Variants in ZBTB7C observed in about 807,000 individuals in gnomAD.
ZBTB7C encodes zinc finger and BTB domain-containing protein 7C.
Under a neutral mutation model 25.7 loss-of-function variants are expected in ZBTB7C, and 8 were observed. That is an observed-to-expected ratio of 0.31 (90% CI 0.18 to 0.56). ZBTB7C has a LOEUF of 0.56. Among genes scored for constraint, ZBTB7C ranks in the 20% least tolerant of loss-of-function variants. The pLI is 0.91. For synonymous variants in ZBTB7C, 394 were observed against 369.0 expected, an observed-to-expected ratio of 1.07 and a Z score of -0.78; for missense variants, 824 against 855.2, an observed-to-expected ratio of 0.96 and a Z score of 0.46.
chr18:48,322,503 G>C (rs936291545), intron 2 of ZBTB7C, among the ~76,000 whole-genome samples: 4 of 152,190 alleles, frequency 2.6e-5, no homozygotes, highest in African/African-American at 9.7e-5. Context: ...CAGCTCAGCG[G>C]GTGGCCAGTT....
chr18:48,150,966 T>C (rs1044458136), intron 3 of ZBTB7C: 1 of 152,196 alleles, frequency 6.6e-6, no homozygotes, highest in Non-Finnish European at 1.5e-5. Context: ...TGCAGACTCC[T>C]GGGCCCCAGC....
chr18:48,256,035 G>C (rs1389739740), intron 2 of ZBTB7C, among the ~76,000 whole-genome samples: 1 of 152,148 alleles, frequency 6.6e-6, no homozygotes, highest in South Asian at 2.1e-4. Flanking sequence ...CTTGTTCTAT[G>C]TGTAATTAAA....
intron 1 of ZBTB7C, among the ~76,000 whole-genome samples, chr18:48,384,608 T>C (rs2047704880): frequency 6.6e-6 from 1 of 152,236 alleles, no homozygotes; most frequent in Admixed American, 6.5e-5. Flanking sequence ...TCGTAAACTT[T>C]CTTAAAACGT....
At chr18:48,183,492 C>A (rs2041980016) in intron 3 of ZBTB7C, among the ~76,000 whole-genome samples, 1 of 152,148 alleles carries the variant, frequency 6.6e-6, no homozygotes, top group African/African-American at 2.4e-5. Context: ...ATGTTATTTT[C>A]AGTTAAAAAA....
chr18:48,286,907 C>T (rs543663610), intron 2 of ZBTB7C, among the ~76,000 whole-genome samples: 43 of 152,208 alleles, frequency 2.8e-4, no homozygotes, highest in Middle Eastern at 3.4e-3. Flanking sequence ...CAAAAATTAG[C>T]TGGGCATGGT....
intron 1 of ZBTB7C, among the ~76,000 whole-genome samples, chr18:48,356,427 G>A (rs1420738679): frequency 6.6e-6 from 1 of 152,206 alleles, no homozygotes; most frequent in Non-Finnish European, 1.5e-5. Flanking sequence ...ACCAAGTAGA[G>A]TTTAACAGTG....
chr18:48,339,076 T>G (rs370854223), intron 1 of ZBTB7C, among the ~76,000 whole-genome samples: 1 of 152,264 alleles, frequency 6.6e-6, no homozygotes, highest in Non-Finnish European at 1.5e-5. Flanking sequence ...TAGCCAAGAT[T>G]GTGCCTTATG....
intron 2 of ZBTB7C, among the ~76,000 whole-genome samples, chr18:48,301,421 G>T (rs1222429484): frequency 6.6e-6 from 1 of 152,228 alleles, no homozygotes; most frequent in East Asian, 1.9e-4. Context: ...AGATGTTGCA[G>T]TGAGCCAAGA....
At chr18:48,128,200 C>A (rs752441718) in intron 3 of ZBTB7C, among the ~76,000 whole-genome samples, 50 of 152,210 alleles carry the variant, frequency 3.3e-4, no homozygotes, top group African/African-American at 1.2e-3. Context: ...GACTGCTCCC[C>A]GCAAGGTGCC....
intron 2 of ZBTB7C, among the ~76,000 whole-genome samples, chr18:48,332,426 T>A (rs982273687): frequency 2.6e-5 from 4 of 152,190 alleles, no homozygotes; most frequent in African/African-American, 9.7e-5. Context: ...CTGTCCCACT[T>A]GTAGCAAAGC....
At chr18:48,161,433 G>T (rs941644536) in intron 3 of ZBTB7C, among the ~76,000 whole-genome samples, 1 of 152,014 alleles carries the variant, frequency 6.6e-6, no homozygotes, top group Non-Finnish European at 1.5e-5. Flanking sequence ...CCAACGGGGC[G>T]GATTCACGAA....
intron 3 of ZBTB7C, among the ~76,000 whole-genome samples, chr18:48,083,097 G>A (rs1027946575): frequency 9.9e-5 from 15 of 152,140 alleles, no homozygotes; most frequent in Non-Finnish European, 1.8e-4. Context: ...ATCTGCGTGT[G>A]AAGACCTGAA....
intron 3 of ZBTB7C, among the ~76,000 whole-genome samples, chr18:48,100,234 C>G (rs1472279544): frequency 6.6e-6 from 1 of 152,186 alleles, no homozygotes; most frequent in African/African-American, 2.4e-5. Flanking sequence ...GTTCAGCCCG[C>G]GTGCTTGACA....
intron 1 of ZBTB7C, among the ~76,000 whole-genome samples, chr18:48,387,111 C>T (rs545787168): frequency 6.6e-6 from 1 of 152,176 alleles, no homozygotes; most frequent in South Asian, 2.1e-4. Flanking sequence ...AAGCAAAAAC[C>T]AGGATGGGGA....
At chr18:48,145,191 A>G (rs2144855636) in intron 3 of ZBTB7C, among the ~76,000 whole-genome samples, 1 of 152,336 alleles carries the variant, frequency 6.6e-6, no homozygotes, top group Non-Finnish European at 1.5e-5. Context: ...CAATAATGGC[A>G]CAAACTCTGT....
chr18:48,256,813 A>G (rs972437277), intron 2 of ZBTB7C, among the ~76,000 whole-genome samples: 1 of 152,078 alleles, frequency 6.6e-6, no homozygotes, highest in Admixed American at 6.5e-5. Flanking sequence ...TTACAGATAT[A>G]TATTATAAAC....
In ZBTB7C at chr18:48,367,347, C is replaced by CATATATATATATAT. The variant is rs58569472; in HGVS notation, c.-303-28963_-303-28950dup. 2.8e-3 allele frequency among the ~76,000 whole-genome samples: 126 copies of CATATATATATATAT among 44,824 alleles called. 2 individuals carry two copies. The highest frequency in any genetic ancestry group is 6.8e-3 in the African/African-American group (117 of 17,110). The allele number at this position is 44,824 out of a possible 152,430, so 29.4% of individuals were successfully genotyped here. On this transcript the variant is annotated intron_variant, in intron 1 of 4. Transcript: ENST00000590800. ...GTGTATATATATACATATATGTGTG[C>CATATATATATATAT]ATATATATATATATATATATATATA...
rs562229198 is a variant in ZBTB7C at position 48,075,086 on chromosome 18, C to T, written c.-16-33963G>A. 1.1e-4 allele frequency among the ~76,000 whole-genome samples: 17 copies of T among 152,286 alleles called. No homozygotes were observed. In the South Asian group the frequency reaches 1.9e-3, roughly 17 times the overall value. On this transcript the variant is annotated intron_variant, in intron 3 of 4. Transcript: ENST00000590800. ...ACAAGGTACAAGGAGAGAAAAGAGG[C>T]GTTTGGCAATTTCCCCAGGATACAG...
intron 3 of ZBTB7C, among the ~76,000 whole-genome samples, chr18:48,182,280 G>C (rs537140642): frequency 1.3e-5 from 2 of 152,322 alleles, no homozygotes; most frequent in East Asian, 3.9e-4. Flanking sequence ...CTGAGAGAGA[G>C]TGTAAACATG....
Sources: allele counts gnomAD v4.1 joint callset (sites outside exome capture counted in the v4.1 genomes callset), GRCh38; gene constraint gnomAD v4.1.1; transcripts MANE v1.5; gene names NCBI Gene and HGNC (gene_info 2026-07-23, HGNC 2026-07-21).